Variants in DNAH8 observed in about 807,000 individuals in gnomAD.
DNAH8 encodes dynein axonemal heavy chain 8, also known as axonemal beta dynein heavy chain 8.
DNAH8 carries 382 observed loss-of-function variants against 562.1 expected under a neutral mutation model. That is an observed-to-expected ratio of 0.68 (90% confidence interval 0.63 to 0.74). The LOEUF (loss-of-function observed/expected upper bound fraction) is 0.74. Ranked by LOEUF, DNAH8 falls within the 30% of genes least tolerant of loss-of-function variation. The pLI is 0.00. For missense variants in DNAH8, 5,203 were observed against 5,620.4 expected (o/e 0.93, Z 2.37); for synonymous variants, 1,881 against 1,919.4 (o/e 0.98, Z 0.52).
At chr6:38,792,378 C>T (rs112211951) in intron 21 of DNAH8, among the ~76,000 whole-genome samples, 2,730 of 152,224 alleles carry the variant, frequency 0.018, 28 homozygotes, top group Non-Finnish European at 0.03. Context: ...TGAGCCACAA[C>T]TCCCAGCCTA....
At chr6:38,963,263 T>TC (rs1347852156) in intron 82 of DNAH8, among the ~76,000 whole-genome samples, 8 of 61,146 alleles carry the variant, frequency 1.3e-4, no homozygotes, top group South Asian at 5.6e-4. Flanking sequence ...CTTTTTTTTT[T>TC]TTTTTTTTTT....
At chr6:38,953,314 G>A (rs756196371) in intron 82 of DNAH8, among the ~76,000 whole-genome samples, 7 of 152,134 alleles carry the variant, frequency 4.6e-5, no homozygotes, top group African/African-American at 1.4e-4. Flanking sequence ...AAGATACAAC[G>A]CCTAGAAGAA....
chr6:39,002,775 T>C (rs942251174), intron 88 of DNAH8, among the ~76,000 whole-genome samples: 9 of 152,238 alleles, frequency 5.9e-5, no homozygotes, highest in Non-Finnish European at 1.3e-4. Context: ...GAAAGTCATG[T>C]ATTTAAAGGT....
chr6:38,715,925 A>AATAAATAAATAAATAAATATAT (rs1453678814), intron 1 of DNAH8, among the ~76,000 whole-genome samples: 3 of 36,898 alleles, frequency 8.1e-5, no homozygotes, highest in Non-Finnish European at 9.5e-5. Context: ...TAAATAAATA[A>AATAAATAAATAAATAAATATAT]ATATATATAT....
In DNAH8 at chr6:38,758,112, C is replaced by T. The variant is rs189131871; in HGVS notation, c.1515+2033C>T. Among the ~76,000 whole-genome samples the T allele has an allele frequency of 3.4e-3, 517 of 152,264 alleles. 3 individuals are homozygous for T. Among genetic ancestry groups the T allele is most frequent in the African/African-American group, 0.012 (491 of 41,538 alleles). ...GGATGGCACTGAATCTATAAATTACCTTGGGCAGTATGGCCATTTTCACGA... is the reference window on the plus strand; with the variant it reads ...GGATGGCACTGAATCTATAAATTACTTTGGGCAGTATGGCCATTTTCACGA... On this transcript the variant is annotated intron_variant, in intron 10 of 92. Coordinates refer to ENST00000327475, the MANE Select transcript of DNAH8 (RefSeq NM_001206927.2).
At chr6:38,896,812 G>GTC (rs1258806210) in intron 60 of DNAH8, among the ~76,000 whole-genome samples, 1 of 152,050 alleles carries the variant, frequency 6.6e-6, no homozygotes, top group African/African-American at 2.4e-5. Context: ...TTGAGATGGA[G>GTC]TCTCTCTCTG....
Position 38,929,502 on chromosome 6 carries a change from T to C in DNAH8, c.11119-9T>C, listed in dbSNP as rs1158849194. On this transcript the variant is annotated splice_polypyrimidine_tract_variant and intron_variant, in intron 74 of 92. Transcript: ENST00000327475. ...AACACAGATAGACCAATGAGTTCTT[T>C]CTGTTTAGGTGACATCTCTGAACCA... 1 of 1,603,608 alleles carries C rather than the reference T, an allele frequency of 6.2e-7. No individual in the cohort carries two copies. The highest frequency in any genetic ancestry group is 1.3e-5 in the African/African-American group (1 of 74,482).
chr6:38,819,902 A>C (rs1034380110), intron 26 of DNAH8, among the ~76,000 whole-genome samples: 2 of 152,216 alleles, frequency 1.3e-5, no homozygotes, highest in African/African-American at 4.8e-5. Context: ...TTAACAAATA[A>C]ATGTAAAAAA....
At chr6:38,947,115 G>A (rs985291628) in intron 80 of DNAH8, among the ~76,000 whole-genome samples, 5 of 152,198 alleles carry the variant, frequency 3.3e-5, no homozygotes, top group Non-Finnish European at 7.3e-5. Context: ...AGTTAGTTAA[G>A]TACTTGCCCA....
intron 83 of DNAH8, 146 bp from the exon 84 acceptor site, chr6:38,973,515 G>T: frequency 1.7e-6 from 1 of 600,432 alleles, no homozygotes. Context: ...CATAGCAGGA[G>T]AAATGATTGT....
At chr6:38,864,809 A>G (rs1043755390) in intron 45 of DNAH8, among the ~76,000 whole-genome samples, 5 of 152,184 alleles carry the variant, frequency 3.3e-5, no homozygotes, top group African/African-American at 1.2e-4. Context: ...AGTGGATATT[A>G]TATAGCTGAC....
At chr6:38,769,468 G>T (rs1767343678) in intron 11 of DNAH8, among the ~76,000 whole-genome samples, 1 of 152,026 alleles carries the variant, frequency 6.6e-6, no homozygotes, top group Admixed American at 6.6e-5. Flanking sequence ...ATAGAGGAAA[G>T]AATGAGGCCA....
At chr6:38,872,453 G>A in intron 49 of DNAH8, 83 bp from the exon 50 acceptor site, 1 of 1,448,208 alleles carries the variant, frequency 6.9e-7, no homozygotes, top group Non-Finnish European at 9.4e-7. Context: ...GCTTATTAAA[G>A]CCTTTAATCT....
chr6:38,826,497 C>A, intron 29 of DNAH8, 106 bp downstream of exon 29: 1 of 732,448 alleles, frequency 1.4e-6, no homozygotes, highest in Non-Finnish European at 2.3e-6. Flanking sequence ...TATTATGTAG[C>A]ACAGTCTGCC....
chr6:38,837,835 A>G lies in DNAH8; in HGVS notation c.4366-107A>G, dbSNP rs892202276. ...CTTCACAAATCCTTATTTTATAGCT[A>G]TTACTTAATAAACCTCAACCTAGCT... On this transcript the variant is annotated intron_variant, in intron 32 of 92. Coordinates refer to ENST00000327475, the MANE Select transcript of DNAH8 (RefSeq NM_001206927.2). 4 of 756,496 alleles carry G rather than the reference A, an allele frequency of 5.3e-6. No homozygotes were observed. The African/African-American group carries it at 7.2e-5, about 14-fold the overall frequency. 46.9% of individuals were successfully genotyped at this position (756,496 alleles called of 1,614,324 possible).
intron 31 of DNAH8, 23 bp downstream of exon 31, chr6:38,832,458 G>A: frequency 7.1e-7 from 1 of 1,406,176 alleles, no homozygotes; most frequent in South Asian, 1.2e-5. Flanking sequence ...TTTTCTTGCT[G>A]TATGTTGAAA....
At chr6:38,961,100 A>C (rs1439093095) in intron 82 of DNAH8, among the ~76,000 whole-genome samples, 1 of 152,036 alleles carries the variant, frequency 6.6e-6, no homozygotes, top group Non-Finnish European at 1.5e-5. Context: ...GACAAATACC[A>C]CATGATCTCA....
intron 52 of DNAH8, among the ~76,000 whole-genome samples, chr6:38,875,198 A>G (rs1777901599): frequency 6.6e-6 from 1 of 152,242 alleles, no homozygotes; most frequent in African/African-American, 2.4e-5. Context: ...AAGTCCTGCA[A>G]AATTTTACAA....
intron 63 of DNAH8, among the ~76,000 whole-genome samples, chr6:38,907,208 C>T (rs1406822125): frequency 1.3e-5 from 2 of 152,196 alleles, no homozygotes; most frequent in African/African-American, 4.8e-5. Context: ...ATTGATGTTC[C>T]AGCTTCCTAT....
Sources: gnomAD v4.1 joint callset for allele counts (sites outside exome capture counted in the v4.1 genomes callset) on GRCh38, gnomAD v4.1.1 for gene constraint, MANE v1.5 for transcripts, NCBI Gene and HGNC (gene_info 2026-07-23, HGNC 2026-07-21) for gene names.